The following ANO6 variants were observed in gnomAD, a reference collection of about 807,000 sequenced individuals.
ANO6 encodes the protein anoctamin 6, also known as anoctamin-6.
In ANO6, 106 loss-of-function variants were observed where a neutral mutation model predicts 117.5. The observed-to-expected ratio is 0.90, with a 90% CI of 0.77 to 1.06. The LOEUF (loss-of-function observed/expected upper bound fraction) is 1.06. Ranked by LOEUF, ANO6 falls within the 50% of genes least tolerant of loss-of-function variation. The pLI is 0.00. For synonymous variants in ANO6, 367 were observed against 385.1 expected (o/e 0.95, Z 0.55); for missense variants, 955 against 1,121.1 (o/e 0.85, Z 2.12).
chr12:45,253,493 A>G (rs1937699899), intron 1 of ANO6, among the ~76,000 whole-genome samples: 1 of 152,246 alleles, frequency 6.6e-6, no homozygotes, highest in Admixed American at 6.5e-5. Context: ...ATTTTTAAAT[A>G]TATCTAAATC....
At chr12:45,351,214 GC>G (rs1256935741) in intron 7 of ANO6, among the ~76,000 whole-genome samples, 1 of 152,196 alleles carries the variant, frequency 6.6e-6, no homozygotes, top group Non-Finnish European at 1.5e-5. Context: ...GTTACCCACC[GC>G]CCAGGAACTG....
intron 1 of ANO6, among the ~76,000 whole-genome samples, chr12:45,254,379 T>A (rs145643825): frequency 6.6e-6 from 1 of 152,284 alleles, no homozygotes; most frequent in Non-Finnish European, 1.5e-5. Context: ...TTGTGGATCA[T>A]CATTGCCTGG....
intron 15 of ANO6, among the ~76,000 whole-genome samples, chr12:45,404,569 C>T (rs1389546407): frequency 6.6e-6 from 1 of 151,982 alleles, no homozygotes; most frequent in African/African-American, 2.4e-5. Context: ...TTCTGGAGGC[C>T]ACCATCTATG....
At chr12:45,260,611 A>C (rs1937992867) in intron 1 of ANO6, among the ~76,000 whole-genome samples, 1 of 152,192 alleles carries the variant, frequency 6.6e-6, no homozygotes, top group Non-Finnish European at 1.5e-5. Flanking sequence ...TCTGGGATGC[A>C]TGAATTAGGT....
chr12:45,286,458 G>A (rs1938918312), intron 1 of ANO6, among the ~76,000 whole-genome samples: 1 of 152,150 alleles, frequency 6.6e-6, no homozygotes, highest in Admixed American at 6.5e-5. Flanking sequence ...TAAGTAGGGG[G>A]TATGATTTAG....
At chr12:45,333,173 A>G (rs1159645805) in intron 3 of ANO6, among the ~76,000 whole-genome samples, 1 of 152,056 alleles carries the variant, frequency 6.6e-6, no homozygotes, top group Non-Finnish European at 1.5e-5. Context: ...TAGATGTTAC[A>G]TAATTTTTTA....
chr12:45,329,889 A>T (rs914629302), intron 2 of ANO6, among the ~76,000 whole-genome samples: 1 of 152,110 alleles, frequency 6.6e-6, no homozygotes, highest in Admixed American at 6.6e-5. Context: ...TGAAAAAGAC[A>T]TGGCTCAGCA....
intron 9 of ANO6, among the ~76,000 whole-genome samples, chr12:45,368,003 C>T (rs1404706745): frequency 6.6e-6 from 1 of 152,126 alleles, no homozygotes; most frequent in Non-Finnish European, 1.5e-5. Context: ...GATAAAATCT[C>T]ATAGAGTGTC....
intron 9 of ANO6, among the ~76,000 whole-genome samples, chr12:45,371,737 T>C (rs780052660): frequency 2.0e-4 from 30 of 152,112 alleles, no homozygotes; most frequent in South Asian, 8.3e-4. Flanking sequence ...AGATCAAAAG[T>C]AGATAAAACC....
At position 45,306,631 on chromosome 12, in the gene ANO6, C is replaced by A. The variant is rs1939678324; in HGVS notation, c.150+4538C>A. ...AATTCAATTTTTGATTATCTTCAAC[C>A]ATATGAAAACACATGTGATCCCAAG... is the stretch of plus-strand genomic sequence containing the variant. On this transcript the variant is annotated intron_variant, in intron 2 of 19. Transcript: ENST00000320560. Among the ~76,000 whole-genome samples, 3 of 151,780 alleles carry A rather than the reference C, an allele frequency of 2.0e-5. No homozygotes were observed. In the South Asian group the frequency reaches 6.2e-4, roughly 32 times the overall value.
At chr12:45,238,417 C>G (rs1034716162) in intron 1 of ANO6, among the ~76,000 whole-genome samples, 5 of 152,044 alleles carry the variant, frequency 3.3e-5, no homozygotes, top group Admixed American at 2.0e-4. Flanking sequence ...TCCCAAAGTG[C>G]TGGGATTAGA....
At chr12:45,341,673 G>T (rs962488206) in intron 3 of ANO6, among the ~76,000 whole-genome samples, 2 of 152,150 alleles carry the variant, frequency 1.3e-5, no homozygotes, top group Non-Finnish European at 2.9e-5. Context: ...AGTCAAGGGG[G>T]AGTCTAGGTG....
chr12:45,335,051 T>C (rs546155607), intron 3 of ANO6, among the ~76,000 whole-genome samples: 18 of 151,916 alleles, frequency 1.2e-4, no homozygotes, highest in South Asian at 2.1e-4. Context: ...CTGAATATGA[T>C]TTATTTATTT....
At chr12:45,252,451 A>T (rs964677404) in intron 1 of ANO6, among the ~76,000 whole-genome samples, 4 of 152,206 alleles carry the variant, frequency 2.6e-5, no homozygotes, top group African/African-American at 4.8e-5. Context: ...ATCTCCAAAG[A>T]AGCATAATCA....
At chr12:45,292,061 C>T (rs1381783560) in intron 1 of ANO6, among the ~76,000 whole-genome samples, 1 of 152,142 alleles carries the variant, frequency 6.6e-6, no homozygotes, top group Non-Finnish European at 1.5e-5. Flanking sequence ...AAACAACACC[C>T]GTGTCCATCC....
At chr12:45,324,454 C>T (rs1940394603) in intron 2 of ANO6, among the ~76,000 whole-genome samples, 1 of 152,164 alleles carries the variant, frequency 6.6e-6, no homozygotes, top group Non-Finnish European at 1.5e-5. Context: ...TTTTCTTCCT[C>T]TAGCTTTGAA....
chr12:45,237,565 T>A (rs1947665468), intron 1 of ANO6, among the ~76,000 whole-genome samples: 2 of 152,212 alleles, frequency 1.3e-5, no homozygotes, highest in Non-Finnish European at 2.9e-5. Flanking sequence ...AGGCCTCTGT[T>A]CTGTTCCATT....
chr12:45,249,542 C>T (rs1947872399), intron 1 of ANO6, among the ~76,000 whole-genome samples: 1 of 152,068 alleles, frequency 6.6e-6, no homozygotes, highest in Non-Finnish European at 1.5e-5. Flanking sequence ...ATAAATAATT[C>T]ATTGGTAGGG....
chr12:45,402,194 T>C (rs992855260), intron 13 of ANO6, among the ~76,000 whole-genome samples, 174 bp downstream of exon 13: 4 of 152,190 alleles, frequency 2.6e-5, no homozygotes, highest in African/African-American at 7.2e-5. Context: ...CAGCTTTGCA[T>C]TAGTAAAAGG....
Sources: gnomAD v4.1 joint callset for allele counts (sites outside exome capture counted in the v4.1 genomes callset) on GRCh38, gnomAD v4.1.1 for gene constraint, MANE v1.5 for transcripts, NCBI Gene and HGNC (gene_info 2026-07-23, HGNC 2026-07-21) for gene names.